The following PAX7 variants were observed in gnomAD, a reference collection of about 807,000 sequenced individuals.
PAX7 encodes the protein paired box protein Pax-7.
PAX7 carries 18 observed loss-of-function variants against 50.7 expected under a neutral mutation model. That is an observed-to-expected ratio of 0.36 (90% CI 0.25 to 0.53). PAX7 has a LOEUF of 0.53. PAX7 is among the 20% of genes least tolerant of loss of function. The pLI, the probability that PAX7 is intolerant of heterozygous loss-of-function variation, is 0.93. For missense variants in PAX7, 644 were observed against 702.9 expected (o/e 0.92, Z 0.95); for synonymous variants, 310 against 290.4 (o/e 1.07, Z -0.69).
At chr1:18,732,336 C>T (rs530570431) in intron 7 of PAX7, among the ~76,000 whole-genome samples, 26 of 152,298 alleles carry the variant, frequency 1.7e-4, no homozygotes, top group African/African-American at 5.8e-4. Flanking sequence ...AATAGGTGCT[C>T]AGTAAATGTT....
rs1446792433 is a variant in PAX7 at position 18,632,543 on chromosome 1, T to A, written c.85+855T>A. Among the ~76,000 whole-genome samples the A allele has an allele frequency of 6.6e-6, 1 of 152,164 alleles. No homozygotes were observed. Among genetic ancestry groups the A allele is most frequent in the Non-Finnish European group, 1.5e-5 (1 of 68,032 alleles). On this transcript the variant is annotated intron_variant, in intron 1 of 8. Coordinates refer to ENST00000420770, the MANE Select transcript of PAX7 (RefSeq NM_001135254.2). The surrounding 1 kb of genome is among the most constrained non-coding windows in gnomAD (Gnocchi z 6.3). ...CTGTGTTTTTGTTCTGTTTTCTTTT[T>A]AAACTAATGGAAGGCCTCAACCTGT...
intron 4 of PAX7, among the ~76,000 whole-genome samples, chr1:18,643,347 G>C (rs966057110): frequency 6.6e-6 from 1 of 152,082 alleles, no homozygotes. Context: ...CCCGAGCTCC[G>C]GTGGAGACCA....
chr1:18,682,986 C>T (rs1156674291), intron 4 of PAX7, among the ~76,000 whole-genome samples: 1 of 152,148 alleles, frequency 6.6e-6, no homozygotes, highest in African/African-American at 2.4e-5. Context: ...GGCTGGGGTC[C>T]CTGCTCACCA....
intron 4 of PAX7, among the ~76,000 whole-genome samples, chr1:18,691,158 T>A (rs1448810196): frequency 6.6e-6 from 1 of 152,182 alleles, no homozygotes; most frequent in African/African-American, 2.4e-5. Flanking sequence ...TCTTACTTTT[T>A]TCTGGAGGTT....
At chr1:18,646,784 C>T (rs931260154) in intron 4 of PAX7, among the ~76,000 whole-genome samples, 3 of 151,384 alleles carry the variant, frequency 2.0e-5, no homozygotes, top group African/African-American at 7.3e-5. Context: ...CACCGACGGC[C>T]GCGGGGGAAG....
chr1:18,656,697 A>T (rs1465096610), intron 4 of PAX7, among the ~76,000 whole-genome samples: 1 of 151,450 alleles, frequency 6.6e-6, no homozygotes, highest in Admixed American at 6.6e-5. Flanking sequence ...GCATAAAAAA[A>T]AGGGGGGGAT....
intron 4 of PAX7, among the ~76,000 whole-genome samples, chr1:18,682,906 C>A (rs1193711553): frequency 6.6e-6 from 1 of 152,168 alleles, no homozygotes; most frequent in Non-Finnish European, 1.5e-5. Context: ...TGCTCCTGTA[C>A]CCTCACTCAA....
chr1:18,719,126 G>C (rs2089463987), intron 7 of PAX7, among the ~76,000 whole-genome samples: 1 of 152,226 alleles, frequency 6.6e-6, no homozygotes, highest in Admixed American at 6.5e-5. Context: ...TCAGGAGTTA[G>C]CAGGGCTTTT....
rs79526589 is a variant in PAX7, at chr1:18,680,736, C to A, written c.587-11018C>A. Among the ~76,000 whole-genome samples, 1,123 of 152,266 alleles carry A rather than the reference C, an allele frequency of 7.4e-3. 10 individuals carry two copies. The highest frequency in any genetic ancestry group is 0.025 in the African/African-American group (1,051 of 41,550). ...GCAGCATAGTGACCTCTGCTCTGCCCAGCACAATCGTTGCTCTCCCTGCTG... is the reference window on the plus strand; with the variant it reads ...GCAGCATAGTGACCTCTGCTCTGCCAAGCACAATCGTTGCTCTCCCTGCTG... On this transcript the variant is annotated intron_variant, in intron 4 of 8. Transcript: ENST00000420770.
At chr1:18,711,831 G>C (rs1570210283) in intron 7 of PAX7, among the ~76,000 whole-genome samples, 1 of 152,160 alleles carries the variant, frequency 6.6e-6, no homozygotes, top group Non-Finnish European at 1.5e-5. Context: ...TGGACCAGGA[G>C]TCCGTGGCTG....
Position 18,700,692 on chromosome 1 carries a change from G to A in PAX7, c.826G>A (p.Ala276Thr). ...SNRRARWRKQAGANQLAAFNH... is the reference protein window; with the variant it reads ...SNRRARWRKQTGANQLAAFNH... Reference sequence around the variant, plus strand: ...CCGCCGCGCCCGTTGGCGTAAGCAGGCAGGAGCCAACCAGCTGGCGGCGTT... The same window carrying A: ...CCGCCGCGCCCGTTGGCGTAAGCAGACAGGAGCCAACCAGCTGGCGGCGTT... Residue 276 changes from alanine to threonine, a missense_variant, in exon 6 of 9, where the codon GCA becomes ACA. By Grantham distance (58) the Ala-to-Thr change is moderately conservative. Transcript: ENST00000420770. This position sits in a 1 kb window ranked among gnomAD's most constrained non-coding sequence, Gnocchi z 4.8. The A allele has an allele frequency of 1.3e-6, 2 of 1,598,596 alleles. No individual in the cohort carries two copies. Among genetic ancestry groups the A allele is most frequent in the Non-Finnish European group, 1.7e-6 (2 of 1,173,454 alleles).
chr1:18,736,095 G>A (rs558783277), intron 8 of PAX7: 76 of 761,212 alleles, frequency 1.0e-4, no homozygotes, highest in South Asian at 8.2e-4. Flanking sequence ...CTCTGCTTCC[G>A]TACTATGGCT....
At chr1:18,678,578 G>A (rs1227999222) in intron 4 of PAX7, among the ~76,000 whole-genome samples, 2 of 152,118 alleles carry the variant, frequency 1.3e-5, no homozygotes, top group African/African-American at 2.4e-5. Flanking sequence ...TGGGGAGATG[G>A]ACTTTCCACA....
At chr1:18,694,163 G>A (rs2089118026) in intron 5 of PAX7, among the ~76,000 whole-genome samples, 1 of 152,162 alleles carries the variant, frequency 6.6e-6, no homozygotes, top group Admixed American at 6.5e-5. Flanking sequence ...AAACGTTTGA[G>A]TTTTTAAAGA....
chr1:18,701,486 G>A (rs548705591), intron 6 of PAX7, among the ~76,000 whole-genome samples: 1 of 152,176 alleles, frequency 6.6e-6, no homozygotes, highest in Non-Finnish European at 1.5e-5. Flanking sequence ...TTGTTGGGAA[G>A]ATGTTGGAAT....
chr1:18,678,753 G>A (rs963999492), intron 4 of PAX7, among the ~76,000 whole-genome samples: 1 of 152,126 alleles, frequency 6.6e-6, no homozygotes, highest in African/African-American at 2.4e-5. Flanking sequence ...AGATTGGGAG[G>A]ATGGTGGGGT....
intron 7 of PAX7, among the ~76,000 whole-genome samples, chr1:18,711,221 C>T (rs186744162): frequency 7.0e-4 from 107 of 152,328 alleles, no homozygotes; most frequent in African/African-American, 2.5e-3. Flanking sequence ...CCTGGCACAG[C>T]TTGCTTAACC....
Position 18,661,821 on chromosome 1 carries a change from C to T in PAX7, c.586+25450C>T, listed in dbSNP as rs368301012. 1.2e-4 allele frequency among the ~76,000 whole-genome samples: 18 copies of T among 152,344 alleles called. No individual in the cohort carries two copies. The South Asian group carries it at 3.5e-3, about 30-fold the overall frequency. On this transcript the variant is annotated intron_variant, in intron 4 of 8. Coordinates refer to ENST00000420770, the MANE Select transcript of PAX7 (RefSeq NM_001135254.2). ...CCAGGGACAATGGAGCACAGCCCTG[C>T]CCTCTGCCCGCGCCTTCCAGTGACA...
chr1:18,666,710 A>G (rs2088674744), intron 4 of PAX7, among the ~76,000 whole-genome samples: 1 of 152,138 alleles, frequency 6.6e-6, no homozygotes, highest in Non-Finnish European at 1.5e-5. Flanking sequence ...TTGCCCGGCA[A>G]AGTCCTCGGG....
Sources: gnomAD v4.1 joint callset for allele counts (sites outside exome capture counted in the v4.1 genomes callset) on GRCh38, gnomAD v4.1.1 for gene constraint, Gnocchi (gnomAD v3.1) non-coding constraint, MANE v1.5 for transcripts, NCBI Gene and HGNC (gene_info 2026-07-23, HGNC 2026-07-21) for gene names.